Variants in LINGO2 observed in about 807,000 individuals in gnomAD.
The protein encoded by LINGO2 is leucine rich repeat and Ig domain containing 2, also known as leucine-rich repeat and immunoglobulin-like domain-containing nogo receptor-interacting protein 2.
In LINGO2, 14 loss-of-function variants were observed where a neutral mutation model predicts 30.6. The observed-to-expected ratio is 0.46, with a 90% CI of 0.30 to 0.72. The LOEUF (loss-of-function observed/expected upper bound fraction) is 0.72. Among genes scored for constraint, LINGO2 ranks in the 30% least tolerant of loss-of-function variants. LINGO2 has a pLI of 0.07. For synonymous variants in LINGO2, 317 were observed against 288.5 expected, an observed-to-expected ratio of 1.10 and a Z score of -1.00; for missense variants, 729 against 751.7, an observed-to-expected ratio of 0.97 and a Z score of 0.35.
At chr9:28,525,851 G>A (rs202227012) in intron 1 of LINGO2, among the ~76,000 whole-genome samples, 6 of 151,982 alleles carry the variant, frequency 3.9e-5, no homozygotes, top group South Asian at 4.2e-4. Flanking sequence ...GTCAGGAGAT[G>A]GAGACCATCC....
At chr9:29,032,691 A>C in the LINGO2 span, among the ~76,000 whole-genome samples, 1 of 152,154 alleles carries the variant, frequency 6.6e-6, no homozygotes, top group African/African-American at 2.4e-5. Flanking sequence ...CAAAGCCTGT[A>C]GACCAAAAAT....
chr9:28,666,105 TG>T (rs1232359990), intron 1 of LINGO2, among the ~76,000 whole-genome samples: 1 of 152,094 alleles, frequency 6.6e-6, no homozygotes, highest in East Asian at 1.9e-4. Flanking sequence ...TTGGCCAGGC[TG>T]GTCTCGAACT....
At chr9:28,669,809 A>C (rs887104418) in intron 1 of LINGO2, among the ~76,000 whole-genome samples, 2 of 152,202 alleles carry the variant, frequency 1.3e-5, no homozygotes, top group African/African-American at 4.8e-5. Flanking sequence ...CTTTTATTGT[A>C]TGATTGTATG....
intron 2 of LINGO2, among the ~76,000 whole-genome samples, chr9:28,457,483 C>T (rs1051817703): frequency 1.3e-5 from 2 of 152,060 alleles, no homozygotes; most frequent in African/African-American, 4.8e-5. Context: ...GGACAATCAT[C>T]GCTCACTGCA....
At chr9:28,993,060 A>C in the LINGO2 span, among the ~76,000 whole-genome samples, 2 of 152,316 alleles carry the variant, frequency 1.3e-5, no homozygotes, top group Admixed American at 6.5e-5. Context: ...CCTTCAAAAA[A>C]ATTCCTGAAT....
chr9:28,954,474 G>GTT, the LINGO2 span, among the ~76,000 whole-genome samples: 4 of 149,368 alleles, frequency 2.7e-5, no homozygotes, highest in East Asian at 5.9e-4. Flanking sequence ...CTGCCATTTT[G>GTT]TTTTTTTTTG....
At chr9:28,981,923 T>C in the LINGO2 span, among the ~76,000 whole-genome samples, 1 of 152,098 alleles carries the variant, frequency 6.6e-6, no homozygotes, top group Non-Finnish European at 1.5e-5. Flanking sequence ...GAAACCCAGA[T>C]GTGATTCTGC....
At chr9:29,009,763 T>C in the LINGO2 span, among the ~76,000 whole-genome samples, 1 of 152,302 alleles carries the variant, frequency 6.6e-6, no homozygotes, top group Admixed American at 6.5e-5. Flanking sequence ...GGCATCATGC[T>C]ACCTGACTTC....
the LINGO2 span, among the ~76,000 whole-genome samples, chr9:28,797,635 G>A: frequency 6.6e-6 from 1 of 152,100 alleles, no homozygotes; most frequent in African/African-American, 2.4e-5. Flanking sequence ...CCTAAAGTTG[G>A]AGGATATGAG....
At chr9:27,974,177 C>G (rs1208180107) in intron 5 of LINGO2, among the ~76,000 whole-genome samples, 1 of 152,098 alleles carries the variant, frequency 6.6e-6, no homozygotes, top group East Asian at 1.9e-4. Flanking sequence ...AGAGAGGTGG[C>G]TTTGTACTTT....
At chr9:28,058,393 TACCCA>T (rs2133109727) in intron 4 of LINGO2, among the ~76,000 whole-genome samples, 1 of 152,282 alleles carries the variant, frequency 6.6e-6, no homozygotes, top group African/African-American at 2.4e-5. Flanking sequence ...ATACATAAGG[TACCCA>T]ATGTAGTTTT....
At chr9:28,553,711 T>A (rs567245316) in intron 1 of LINGO2, among the ~76,000 whole-genome samples, 1 of 151,346 alleles carries the variant, frequency 6.6e-6, no homozygotes, top group Non-Finnish European at 1.5e-5. Flanking sequence ...TTCACCAAAG[T>A]TGAAATGAAG....
At chr9:29,158,757 T>C in the LINGO2 span, among the ~76,000 whole-genome samples, 1 of 152,116 alleles carries the variant, frequency 6.6e-6, no homozygotes, top group Non-Finnish European at 1.5e-5. Flanking sequence ...TGTGTCTGTG[T>C]GTATATGTGT....
At chr9:28,548,479 G>T (rs957279891) in intron 1 of LINGO2, among the ~76,000 whole-genome samples, 1 of 151,930 alleles carries the variant, frequency 6.6e-6, no homozygotes, top group Non-Finnish European at 1.5e-5. Flanking sequence ...GCCGAGACGG[G>T]TGGTTCACGA....
At chr9:28,787,682 C>T in the LINGO2 span, among the ~76,000 whole-genome samples, 1 of 152,012 alleles carries the variant, frequency 6.6e-6, no homozygotes, top group Non-Finnish European at 1.5e-5. Context: ...TTCCTAACAC[C>T]ACTGGAAGGT....
At chr9:28,416,141 A>G (rs1480412419) in intron 2 of LINGO2, among the ~76,000 whole-genome samples, 3 of 152,290 alleles carry the variant, frequency 2.0e-5, no homozygotes, top group South Asian at 2.1e-4. Flanking sequence ...CACATGTGAC[A>G]GGAGTAGCTA....
intron 1 of LINGO2, among the ~76,000 whole-genome samples, chr9:28,648,766 A>G (rs1472527946): frequency 6.6e-6 from 1 of 152,170 alleles, no homozygotes. Flanking sequence ...ATAAATAAAT[A>G]AAAGGTATTC....
intron 2 of LINGO2, among the ~76,000 whole-genome samples, chr9:28,449,070 TG>T (rs1824544762): frequency 6.7e-6 from 1 of 148,340 alleles, no homozygotes; most frequent in African/African-American, 2.5e-5. Context: ...TGTGTGTGTG[TG>T]TGTTGGGAAG....
intron 5 of LINGO2, among the ~76,000 whole-genome samples, chr9:27,965,888 A>G (rs12001928): frequency 0.077 from 11,693 of 152,148 alleles, 1,286 homozygotes; most frequent in African/African-American, 0.23. Flanking sequence ...ACCCTAATCT[A>G]TAAGGCAGTA....
Sources: gnomAD v4.1 joint callset for allele counts (sites outside exome capture counted in the v4.1 genomes callset) on GRCh38, gnomAD v4.1.1 for gene constraint, MANE v1.5 for transcripts, NCBI Gene and HGNC (gene_info 2026-07-23, HGNC 2026-07-21) for gene names.